Variants in GLIPR1 observed in about 807,000 individuals in gnomAD.
GLIPR1 encodes the protein glioma pathogenesis-related protein 1.
In GLIPR1, 38 loss-of-function variants were observed where a neutral mutation model predicts 30.3. The ratio of observed to expected loss-of-function variants is 1.26; its 90% CI spans 0.97 to 1.65. GLIPR1 has a LOEUF of 1.65. Ranked by LOEUF, GLIPR1 falls within the 40% of genes most tolerant of loss-of-function variation. The pLI, the probability that GLIPR1 is intolerant of heterozygous loss-of-function variation, is 0.00. For missense variants in GLIPR1, 285 were observed against 326.5 expected (o/e 0.87, Z 0.98); for synonymous variants, 122 against 110.6 (o/e 1.10, Z -0.65).
At position 75,503,621 on chromosome 12, in the gene GLIPR1, C is replaced by A. The variant is rs1011012261; in HGVS notation, c.*4643C>A. On this transcript the variant is annotated 3_prime_UTR_variant, in exon 6 of 6. Coordinates refer to ENST00000266659, the MANE Select transcript of GLIPR1 (RefSeq NM_006851.3). Reference sequence around the variant, plus strand: ...TGCCAAATCAGAGAAAAGAGTATTGCAGACTAAACGAACTTTTATCCATGG... The same window carrying A: ...TGCCAAATCAGAGAAAAGAGTATTGAAGACTAAACGAACTTTTATCCATGG... The A allele has an allele frequency of 1.7e-5, 4 of 237,688 alleles. No homozygotes were observed. Among genetic ancestry groups the A allele is most frequent in the African/African-American group, 4.5e-5 (2 of 44,648 alleles). The allele number at this position is 237,688 out of a possible 1,614,324, so 14.7% of individuals were successfully genotyped here. A position where few individuals can be genotyped will look rare whatever the true frequency, so the allele number is the denominator to read the frequency against.
chr12:75,484,468 CAGATATT>C (rs1316011321), intron 2 of GLIPR1: 1 of 152,192 alleles, frequency 6.6e-6, no homozygotes, highest in Non-Finnish European at 1.5e-5. Context: ...AGTTGAGGTT[CAGATATT>C]AGATATGTTG....
Position 75,495,644 on chromosome 12 carries a change from T to C in GLIPR1, c.601T>C (p.Cys201Arg). Residue 201 changes from cysteine (C) to arginine (R), a missense_variant, in exon 4 of 6, where the codon TGT (cysteine) becomes CGT (arginine). Transcript: ENST00000266659. ...TCSACPNNDK[C>R]LDNLCVNRQR... is the part of the protein sequence containing the mutation. Reference sequence around the variant, plus strand: ...CAGTGCCTGCCCCAATAATGACAAGTGTTTGGACAATCTCTGTGGTGAGTA... The same window carrying C: ...CAGTGCCTGCCCCAATAATGACAAGCGTTTGGACAATCTCTGTGGTGAGTA... The C allele has an allele frequency of 1.2e-6, 2 of 1,606,366 alleles. No homozygotes were observed. The highest frequency in any genetic ancestry group is 2.2e-5 in the East Asian group (1 of 44,822).
At chr12:75,488,494 A>G (rs915392510) in intron 2 of GLIPR1, among the ~76,000 whole-genome samples, 20 of 152,268 alleles carry the variant, frequency 1.3e-4, no homozygotes, top group African/African-American at 4.8e-4. Flanking sequence ...CCGAGATTGC[A>G]CCATTGCACT....
intron 4 of GLIPR1, 39 bp from the exon 5 acceptor site, chr12:75,498,655 C>T (rs747996513): frequency 6.4e-7 from 1 of 1,554,598 alleles, no homozygotes; most frequent in Non-Finnish European, 8.9e-7. Flanking sequence ...CTGTGTCTAC[C>T]CTTTTAATTT....
At chr12:75,482,849 G>A (rs1223652214) in intron 2 of GLIPR1, among the ~76,000 whole-genome samples, 3 of 151,844 alleles carry the variant, frequency 2.0e-5, no homozygotes, top group African/African-American at 7.3e-5. Context: ...TCCTGTCCTG[G>A]CTACATTTTG....
chr12:75,491,292 AT>A (rs1258712244), intron 3 of GLIPR1: 5 of 152,208 alleles, frequency 3.3e-5, no homozygotes, highest in African/African-American at 1.2e-4. Context: ...TGTTTGGCAA[AT>A]GAGAACAGCA....
intron 3 of GLIPR1, 48 bp downstream of exon 3, chr12:75,490,566 G>T (rs11180550): frequency 1.9e-4 from 5 of 26,130 alleles, no homozygotes; most frequent in South Asian, 1.7e-3. Flanking sequence ...CCCCCCCCCC[G>T]CAAAAAAAAA....
intron 2 of GLIPR1, among the ~76,000 whole-genome samples, chr12:75,482,725 T>G (rs1429667447): frequency 6.6e-6 from 1 of 151,930 alleles, no homozygotes; most frequent in East Asian, 1.9e-4. Context: ...TTTTTTTTTT[T>G]TTTTTAATTT....
chr12:75,481,357 CTTTTTT>C (rs72137011), intron 1 of GLIPR1: 23 of 145,926 alleles, frequency 1.6e-4, no homozygotes, highest in East Asian at 6.0e-4. Context: ...ATTTGGTTTT[CTTTTTT>C]TTTTTTTTTT....
chr12:75,498,432 G>A (rs551192996), intron 4 of GLIPR1: 6 of 340,968 alleles, frequency 1.8e-5, no homozygotes, highest in African/African-American at 1.3e-4. Flanking sequence ...TAGGTATGAT[G>A]TGTAAAATGA....
chr12:75,490,390 C>T lies in GLIPR1; in HGVS notation c.421-16C>T. ...CTTATGGTTTTTCTCTGTTAAAAATCCTTATTTCCTTTCAGGTTGTTTGGG... is the reference window on the plus strand; with the variant it reads ...CTTATGGTTTTTCTCTGTTAAAAATTCTTATTTCCTTTCAGGTTGTTTGGG... On this transcript the variant is annotated splice_polypyrimidine_tract_variant and intron_variant, in intron 2 of 5. Coordinates refer to ENST00000266659, the MANE Select transcript of GLIPR1 (RefSeq NM_006851.3). 1 of 1,395,248 alleles carries T rather than the reference C, an allele frequency of 7.2e-7. No homozygotes were observed. The highest frequency in any genetic ancestry group is 1.0e-6 in the Non-Finnish European group (1 of 982,722). The allele number at this position is 1,395,248 out of a possible 1,614,324, so 86.4% of individuals were successfully genotyped here.
intron 2 of GLIPR1, chr12:75,483,779 G>C (rs2046281759): frequency 6.6e-6 from 1 of 152,206 alleles, no homozygotes; most frequent in Admixed American, 6.5e-5. Flanking sequence ...GAAAAGGAAA[G>C]GGAAGAGAAT....
Position 75,498,814 on chromosome 12 carries a change from T to G in GLIPR1, c.647-10T>G. The G allele has an allele frequency of 3.1e-6, 5 of 1,612,546 alleles. No individual in the cohort carries two copies. Among genetic ancestry groups the G allele is most frequent in the Non-Finnish European group, 4.2e-6 (5 of 1,178,854 alleles). On this transcript the variant is annotated splice_polypyrimidine_tract_variant and intron_variant, in intron 5 of 5. Coordinates refer to ENST00000266659, the MANE Select transcript of GLIPR1 (RefSeq NM_006851.3). ...AATGTCTAAGAGGATATTCTATGTT[T>G]GTTTCACAGGTTACTACTCTGTTGT...
chr12:75,490,566 GC>G, intron 3 of GLIPR1, 48 bp downstream of exon 3: 1 of 26,078 alleles, frequency 3.8e-5, no homozygotes, highest in Non-Finnish European at 6.1e-5. Flanking sequence ...CCCCCCCCCC[GC>G]AAAAAAAAAC....
intron 3 of GLIPR1, chr12:75,494,526 T>C (rs1048091799): frequency 3.9e-5 from 6 of 152,226 alleles, no homozygotes; most frequent in African/African-American, 7.2e-5. Flanking sequence ...TATTACTTTA[T>C]CACAAATCTT....
rs1430718452 is a variant in GLIPR1 at position 75,495,580 on chromosome 12, G to T, written c.537G>T (p.Gly179=). 1 of 1,589,986 alleles carries T rather than the reference G, an allele frequency of 6.3e-7. No homozygotes were observed. Among genetic ancestry groups the T allele is most frequent in the East Asian group, 2.2e-5 (1 of 44,750 alleles). The change falls in exon 4 of 6, where the codon GGG becomes GGT. Residue 179 remains glycine, a synonymous_variant. Coordinates refer to ENST00000266659, the MANE Select transcript of GLIPR1 (RefSeq NM_006851.3). ...ACATCCTTCTTCTGCTTTACAGAGG[G>T]AATTACCCAACTTGGCCATATAAGA... ...AHFICNYGPG[G]NYPTWPYKRG...
rs1169001104 is a variant in GLIPR1 at position 75,502,921 on chromosome 12, T to G, written c.*3943T>G. 2 of 152,044 alleles carry G rather than the reference T, an allele frequency of 1.3e-5. No homozygotes were observed. Among genetic ancestry groups the G allele is most frequent in the African/African-American group, 4.8e-5 (2 of 41,418 alleles). The allele number at this position is 152,044 out of a possible 1,614,324, so 9.4% of individuals were successfully genotyped here. ...TCCATGATCCAAAACTTCCATTGTT[T>G]TTTCACTATGATCATCATTTTCCCC... On this transcript the variant is annotated 3_prime_UTR_variant, in exon 6 of 6. Coordinates refer to ENST00000266659, the MANE Select transcript of GLIPR1 (RefSeq NM_006851.3).
At position 75,498,706 on chromosome 12, in the gene GLIPR1, G is replaced by T. The variant is rs3736392; in HGVS notation, c.632G>T (p.Arg211Leu). 1 of 1,612,180 alleles carries T rather than the reference G, an allele frequency of 6.2e-7. No homozygotes were observed. Among genetic ancestry groups the T allele is most frequent in the African/African-American group, 1.3e-5 (1 of 74,862 alleles). ...CLDNLCVNRQ[R>L]DQVKRYYSVV... Reference sequence around the variant, plus strand: ...CCTAACTTTACAGTTAACCGACAGCGAGACCAAGTCAAACGTACGTACATC... The same window carrying T: ...CCTAACTTTACAGTTAACCGACAGCTAGACCAAGTCAAACGTACGTACATC... Residue 211 changes from arginine (R) to leucine (L), a missense_variant, in exon 5 of 6, where the codon CGA becomes CTA. Transcript: ENST00000266659.
chr12:75,503,127 A>G lies in GLIPR1; in HGVS notation c.*4149A>G, dbSNP rs2046405783. 6.6e-6 allele frequency: 1 copy of G among 152,166 alleles called. No individual in the cohort carries two copies. The highest frequency in any genetic ancestry group is 6.6e-5 in the Admixed American group (1 of 15,228). The allele number at this position is 152,166 out of a possible 1,614,324, so 9.4% of individuals were successfully genotyped here. ...GGTGAAGATGGAATTCAAAGAACACATAGAAGAGGCTGATGCAGGTGGAAG... is the reference window on the plus strand; with the variant it reads ...GGTGAAGATGGAATTCAAAGAACACGTAGAAGAGGCTGATGCAGGTGGAAG... On this transcript the variant is annotated 3_prime_UTR_variant, in exon 6 of 6. Coordinates refer to ENST00000266659, the MANE Select transcript of GLIPR1 (RefSeq NM_006851.3).
Sources: gnomAD v4.1 joint callset for allele counts (sites outside exome capture counted in the v4.1 genomes callset) on GRCh38, gnomAD v4.1.1 for gene constraint, MANE v1.5 for transcripts, NCBI Gene and HGNC (gene_info 2026-07-23, HGNC 2026-07-21) for gene names.